MESP1: variants seen among roughly 807,000 people sequenced by gnomAD.
The protein encoded by MESP1 is mesoderm posterior protein 1.
In MESP1, 22 loss-of-function variants were observed where a neutral mutation model predicts 15.2. The observed-to-expected ratio is 1.45, with a 90% CI of 1.04 to 2.07. The LOEUF is 2.07. Ranked by LOEUF, MESP1 falls within the 30% of genes most tolerant of loss-of-function variation. The pLI, the probability that MESP1 is intolerant of heterozygous loss-of-function variation, is 0.00. For synonymous variants in MESP1, 216 were observed against 192.6 expected (o/e 1.12, Z -1.01); for missense variants, 484 against 411.9 (o/e 1.17, Z -1.51).
the MESP1 span, among the ~76,000 whole-genome samples, chr15:89,740,775 T>C: frequency 6.6e-6 from 1 of 152,180 alleles, no homozygotes; most frequent in African/African-American, 2.4e-5. Flanking sequence ...GTGGTGGGAT[T>C]ACAGACATGA....
the MESP1 span, among the ~76,000 whole-genome samples, chr15:89,738,703 C>T: frequency 3.9e-5 from 6 of 151,932 alleles, no homozygotes; most frequent in African/African-American, 1.5e-4. Context: ...TGCACTCCAC[C>T]TCACATGTGG....
chr15:89,732,892 A>AT, the MESP1 span: 1 of 939,106 alleles, frequency 1.1e-6, no homozygotes, highest in African/African-American at 1.6e-5. Flanking sequence ...TCATTGCTTG[A>AT]TTTTGCCTTC....
chr15:89,735,875 T>A, the MESP1 span, among the ~76,000 whole-genome samples: 1 of 152,148 alleles, frequency 6.6e-6, no homozygotes, highest in African/African-American at 2.4e-5. Flanking sequence ...GACTGTGTTT[T>A]CTGGAGGAGG....
the MESP1 span, chr15:89,737,933 G>A: frequency 7.3e-7 from 1 of 1,366,538 alleles, no homozygotes; most frequent in Non-Finnish European, 1.0e-6. Context: ...CAACCCAGAT[G>A]ACCCAGCCTT....
At position 89,750,015 on chromosome 15, in the gene MESP1, C is replaced by A. The variant is rs1339921904; in HGVS notation, c.*129G>T. ...CCGCCGCGGTGGGGACGGCTCTCAC[C>A]CGCAGGAATGCCCCCGTCGGGATCG... On this transcript the variant is annotated 3_prime_UTR_variant, in exon 2 of 2. Transcript: ENST00000300057. The A allele has an allele frequency of 2.2e-6, 2 of 914,294 alleles. No homozygotes were observed. Among genetic ancestry groups the A allele is most frequent in the Non-Finnish European group, 3.6e-6 (2 of 562,450 alleles). The allele number at this position is 914,294 out of a possible 1,614,324, so 56.6% of individuals were successfully genotyped here.
In MESP1 at chr15:89,750,541, C is replaced by T. The variant is rs771795136; in HGVS notation, c.691G>A (p.Gly231Arg). Reference protein sequence around the residue: ...ALFAEAACPEGQAMEPSPPSP... With the variant: ...ALFAEAACPERQAMEPSPPSP... ...GGTGGGCTTGGCTCCATCGCCTGCC[C>T]TTCAGGGCACGCCGCCTCGGCGAAC... The change falls in exon 1 of 2, where the codon GGG becomes AGG. Residue 231 changes from glycine (G) to arginine (R), a missense_variant. Physicochemically the swap from Gly to Arg is moderately radical, Grantham distance 125. Coordinates refer to ENST00000300057, the MANE Select transcript of MESP1 (RefSeq NM_018670.4). 7.4e-6 allele frequency: 11 copies of T among 1,492,456 alleles called. No homozygotes were observed. In the East Asian group the frequency reaches 2.4e-4, roughly 33 times the overall value. The allele number at this position is 1,492,456 out of a possible 1,614,324, so 92.5% of individuals were successfully genotyped here. A position where few individuals can be genotyped will look rare whatever the true frequency, so the allele number is the denominator to read the frequency against.
At chr15:89,745,654 T>G (rs1343740656), downstream of MESP1, among the ~76,000 whole-genome samples, 1 of 152,048 alleles carries the variant, frequency 6.6e-6, no homozygotes, top group East Asian at 1.9e-4. The surrounding 1 kb of genome is among the most constrained non-coding windows in gnomAD (Gnocchi z 4.8). Flanking sequence ...TCCCAGCTAC[T>G]CGGGAAAGCT....
At chr15:89,733,515 G>C in the MESP1 span, among the ~76,000 whole-genome samples, 3 of 152,148 alleles carry the variant, frequency 2.0e-5, no homozygotes, top group African/African-American at 7.2e-5. Flanking sequence ...GAGATGATTG[G>C]ATCATGAAGG....
Position 89,751,098 on chromosome 15 carries a change from C to T in MESP1, c.134G>A (p.Ser45Asn), listed in dbSNP as rs1355909606. Residue 45 changes from serine (S) to asparagine (N), a missense_variant, in exon 1 of 2, where the codon AGC becomes AAC. Physicochemically the swap from Ser to Asn is conservative, Grantham distance 46. Coordinates refer to ENST00000300057, the MANE Select transcript of MESP1 (RefSeq NM_018670.4). ...CGCCACGGGGCTGTCGGCTGGGGTGCTGCCCCATGAGTCTGGGGACGAGAC... is the reference window on the plus strand; with the variant it reads ...CGCCACGGGGCTGTCGGCTGGGGTGTTGCCCCATGAGTCTGGGGACGAGAC... ...SLVSSPDSWGSTPADSPVASP... is the reference protein window; with the variant it reads ...SLVSSPDSWGNTPADSPVASP... 2.4e-6 allele frequency: 3 copies of T among 1,253,258 alleles called. No homozygotes were observed. Among genetic ancestry groups the T allele is most frequent in the Admixed American group, 3.9e-5 (1 of 25,714 alleles). The allele number at this position is 1,253,258 out of a possible 1,614,324, so 77.6% of individuals were successfully genotyped here.
At chr15:89,736,829 C>T in the MESP1 span, among the ~76,000 whole-genome samples, 163 of 149,354 alleles carry the variant, frequency 1.1e-3, no homozygotes, top group African/African-American at 3.1e-3. Flanking sequence ...TCTCGCTCTG[C>T]CGCCCAGGCT....
chr15:89,749,018 G>T (rs557685682), downstream of MESP1: 1 of 152,184 alleles, frequency 6.6e-6, no homozygotes, highest in Non-Finnish European at 1.5e-5. Flanking sequence ...TGGCAGAGAG[G>T]CTACACATCC....
At chr15:89,732,612 T>C in the MESP1 span, among the ~76,000 whole-genome samples, 1 of 129,428 alleles carries the variant, frequency 7.7e-6, no homozygotes, top group Non-Finnish European at 1.6e-5. Context: ...TCTTGTTGTT[T>C]GGCCACACAC....
chr15:89,750,869 G>C lies in MESP1; in HGVS notation c.363C>G (p.Thr121=). 2 of 1,527,288 alleles carry C rather than the reference G, an allele frequency of 1.3e-6. No homozygotes were observed. Among genetic ancestry groups the C allele is most frequent in the Non-Finnish European group, 1.8e-6 (2 of 1,142,630 alleles). 94.6% of individuals were successfully genotyped at this position (1,527,288 alleles called of 1,614,324 possible). A position where few individuals can be genotyped will look rare whatever the true frequency, so the allele number is the denominator to read the frequency against. The change falls in exon 1 of 2, where the codon ACC becomes ACG. Residue 121 remains threonine (T), a synonymous_variant. Coordinates refer to ENST00000300057, the MANE Select transcript of MESP1 (RefSeq NM_018670.4). The part of the protein sequence containing the change: ...PSVAPAGQSL[T]KIETLRLAIR... ...TAGCCAGGCGCAGCGTCTCGATCTTGGTCAGGCTCTGGCCCGCGGGCGCCA... is the reference window on the plus strand; with the variant it reads ...TAGCCAGGCGCAGCGTCTCGATCTTCGTCAGGCTCTGGCCCGCGGGCGCCA...
chr15:89,750,143 G>A lies in MESP1; in HGVS notation c.*1C>T. On this transcript the variant is annotated 3_prime_UTR_variant, in exon 2 of 2. Coordinates refer to ENST00000300057, the MANE Select transcript of MESP1 (RefSeq NM_018670.4). ...ACAGAGACGGCGTCAGTTGTCCCTT[G>A]TCACTTGGGCTCCTCAGGCAGCCAC... is the stretch of plus-strand genomic sequence containing the variant. 6.2e-7 allele frequency: 1 copy of A among 1,613,822 alleles called. No homozygotes were observed. The highest frequency in any genetic ancestry group is 1.3e-5 in the African/African-American group (1 of 75,050).
the MESP1 span, chr15:89,735,557 G>C: frequency 2.5e-6 from 4 of 1,613,586 alleles, no homozygotes; most frequent in Admixed American, 1.7e-5. Context: ...TGGCATGGTA[G>C]GTTCCCCATG....
chr15:89,743,259 A>G, the MESP1 span: 1 of 1,610,806 alleles, frequency 6.2e-7, no homozygotes, highest in Non-Finnish European at 8.5e-7. Flanking sequence ...AAGTGAGAGG[A>G]GATTCCTCTC....
chr15:89,734,158 A>C, the MESP1 span, among the ~76,000 whole-genome samples: 1 of 152,138 alleles, frequency 6.6e-6, no homozygotes, highest in Non-Finnish European at 1.5e-5. Context: ...TCCGCCCCAA[A>C]CACCTTATTA....
At position 89,749,977 on chromosome 15, in the gene MESP1, G is replaced by T. The variant is rs940776860; in HGVS notation, c.*167C>A. ...CCTATGGGTCCCTCCATGGAGGGAGGGGCTGAGAAGGGCCGCCGCGGTGGG... is the reference window on the plus strand; with the variant it reads ...CCTATGGGTCCCTCCATGGAGGGAGTGGCTGAGAAGGGCCGCCGCGGTGGG... On this transcript the variant is annotated 3_prime_UTR_variant, in exon 2 of 2. Coordinates refer to ENST00000300057, the MANE Select transcript of MESP1 (RefSeq NM_018670.4). 34 of 664,744 alleles carry T rather than the reference G, an allele frequency of 5.1e-5. No individual in the cohort carries two copies. In the East Asian group the frequency reaches 9.0e-4, roughly 18 times the overall value. The allele number at this position is 664,744 out of a possible 1,614,324, so 41.2% of individuals were successfully genotyped here.
chr15:89,734,430 C>G, the MESP1 span, among the ~76,000 whole-genome samples: 14 of 152,144 alleles, frequency 9.2e-5, no homozygotes, highest in African/African-American at 2.9e-4. Flanking sequence ...ACTAGTACAG[C>G]CTTTCTCACA....
Sources: gnomAD v4.1 joint callset for allele counts (sites outside exome capture counted in the v4.1 genomes callset) on GRCh38, gnomAD v4.1.1 for gene constraint, Gnocchi (gnomAD v3.1) non-coding constraint, MANE v1.5 for transcripts, NCBI Gene and HGNC (gene_info 2026-07-23, HGNC 2026-07-21) for gene names.